ERBB4: variants seen among roughly 807,000 people sequenced by gnomAD.
ERBB4 encodes receptor tyrosine-protein kinase erbB-4.
A neutral mutation model predicts 158.0 loss-of-function variants in ERBB4; 42 were observed. The observed-to-expected ratio is 0.27, with a 90% CI of 0.21 to 0.34. The LOEUF (loss-of-function observed/expected upper bound fraction) is 0.34, where lower values mean the gene tolerates loss of function less well. ERBB4 is among the 10% of genes least tolerant of loss of function. The probability of loss-of-function intolerance (pLI) is 1.00; values close to 1 mark genes in which losing one functional copy is unlikely to be tolerated. For synonymous variants in ERBB4, 583 were observed against 558.7 expected (o/e 1.04, Z -0.61); for missense variants, 1,333 against 1,624.1 (o/e 0.82, Z 3.08).
chr2:212,369,240 C>A (rs2106379448), intron 1 of ERBB4, among the ~76,000 whole-genome samples: 1 of 152,270 alleles, frequency 6.6e-6, no homozygotes, highest in South Asian at 2.1e-4. Context: ...GCTAACATTT[C>A]TGTATGACAA....
rs749944153 is a variant in ERBB4 at position 211,702,028 on chromosome 2, T to G, written c.1428A>C (p.Thr476=). The change falls in exon 12 of 28, where the codon ACA becomes ACC. Residue 476 remains threonine (T), a synonymous_variant. Transcript: ENST00000342788. ...LCYYHTINWT[T]LFSTINQRIV... ...TTCTCTGGTTGATTGTGCTGAAGAG[T>G]GTTGTCCAGTTAATGGTATGATAAT... The G allele has an allele frequency of 5.0e-6, 8 of 1,613,960 alleles. No individual in the cohort carries two copies. The highest frequency in any genetic ancestry group is 1.7e-4 in the Middle Eastern group (1 of 6,056).
At chr2:212,215,232 T>C (rs930863118) in intron 1 of ERBB4, among the ~76,000 whole-genome samples, 2 of 151,556 alleles carry the variant, frequency 1.3e-5, no homozygotes, top group Non-Finnish European at 3.0e-5. Flanking sequence ...CCATATGTAG[T>C]AGTTGAAATA....
intron 12 of ERBB4, among the ~76,000 whole-genome samples, chr2:211,687,097 C>G (rs2072588006): frequency 6.6e-6 from 1 of 150,644 alleles, no homozygotes; most frequent in African/African-American, 2.4e-5. Flanking sequence ...AGATCGAGAC[C>G]ATCCTGGGCT....
Position 211,907,865 on chromosome 2 carries a change from T to C in ERBB4, c.421+39565A>G, listed in dbSNP as rs138639820. The stretch of plus-strand genomic sequence containing the variant: ...ACTGATAGGTATTTAAGTTTGGGAG[T>C]TTAAGCTAAAAATCATTTTTGGAAG... On this transcript the variant is annotated intron_variant, in intron 3 of 27. Coordinates refer to ENST00000342788, the MANE Select transcript of ERBB4 (RefSeq NM_005235.3). Among the ~76,000 whole-genome samples, 2 of 151,620 alleles carry C rather than the reference T, an allele frequency of 1.3e-5. 1 individual carries two copies. The highest frequency in any genetic ancestry group is 3.9e-4 in the East Asian group (2 of 5,108).
intron 25 of ERBB4, among the ~76,000 whole-genome samples, chr2:211,402,051 T>C (rs1307233961): frequency 6.6e-6 from 1 of 151,984 alleles, no homozygotes; most frequent in African/African-American, 2.4e-5. Flanking sequence ...CATGGTCTTA[T>C]GAACATATTC....
chr2:212,171,282 C>A (rs2081509241), intron 1 of ERBB4, among the ~76,000 whole-genome samples: 1 of 151,812 alleles, frequency 6.6e-6, no homozygotes, highest in Admixed American at 6.6e-5. Context: ...GAACACTTAT[C>A]CAATGCCCAT....
chr2:212,488,791 C>T (rs13417149), intron 1 of ERBB4, among the ~76,000 whole-genome samples: 7,582 of 151,456 alleles, frequency 0.05, 653 homozygotes, highest in African/African-American at 0.17. Flanking sequence ...TCATGAACAG[C>T]TGTTCACTAC....
At chr2:211,770,904 G>C (rs1010743588) in intron 4 of ERBB4, among the ~76,000 whole-genome samples, 3 of 152,076 alleles carry the variant, frequency 2.0e-5, no homozygotes, top group Non-Finnish European at 4.4e-5. Flanking sequence ...TAGAAGTTTC[G>C]CAAAACAACA....
chr2:212,271,464 A>C (rs1329652809), intron 1 of ERBB4, among the ~76,000 whole-genome samples: 1 of 151,808 alleles, frequency 6.6e-6, no homozygotes, highest in Non-Finnish European at 1.5e-5. Flanking sequence ...GTTATCAGAA[A>C]GGTAAATTTC....
intron 16 of ERBB4, among the ~76,000 whole-genome samples, chr2:211,654,720 TC>T (rs1044514018): frequency 1.3e-5 from 2 of 152,324 alleles, no homozygotes; most frequent in Admixed American, 6.5e-5. Flanking sequence ...CCATTATAAT[TC>T]CCATTTTACA....
At chr2:211,628,164 C>CT (rs11313575) in intron 17 of ERBB4, among the ~76,000 whole-genome samples, 4 of 150,100 alleles carry the variant, frequency 2.7e-5, no homozygotes, top group Admixed American at 6.6e-5. Flanking sequence ...CTGAGATATT[C>CT]TTTTTTTTTT....
At chr2:212,292,453 T>C (rs768906434) in intron 1 of ERBB4, among the ~76,000 whole-genome samples, 2 of 152,124 alleles carry the variant, frequency 1.3e-5, no homozygotes, top group South Asian at 2.1e-4. Context: ...AGAATTAATA[T>C]TGCAGTTAAT....
In ERBB4 at chr2:212,040,114, A is replaced by G. The variant is rs2077103167; in HGVS notation, c.234+84638T>C. Among the ~76,000 whole-genome samples, 6 of 152,034 alleles carry G rather than the reference A, an allele frequency of 3.9e-5. No homozygotes were observed. The South Asian group carries it at 1.2e-3, about 31-fold the overall frequency. Reference sequence around the variant, plus strand: ...CACCTTCAAAGGGCATGCCAGTTATATAAATATTTTAACTGAGAATTCAAT... The same window carrying G: ...CACCTTCAAAGGGCATGCCAGTTATGTAAATATTTTAACTGAGAATTCAAT... On this transcript the variant is annotated intron_variant, in intron 2 of 27. Transcript: ENST00000342788.
At chr2:212,285,892 A>C (rs2085942875) in intron 1 of ERBB4, among the ~76,000 whole-genome samples, 2 of 152,150 alleles carry the variant, frequency 1.3e-5, no homozygotes, top group Admixed American at 1.3e-4. Flanking sequence ...AATTTCTTGG[A>C]TGATAGGCCC....
At chr2:212,290,304 G>A (rs1371613512) in intron 1 of ERBB4, among the ~76,000 whole-genome samples, 3 of 152,052 alleles carry the variant, frequency 2.0e-5, no homozygotes, top group African/African-American at 4.8e-5. Context: ...TCGTTCCAAC[G>A]ACTTCTACGT....
chr2:212,263,361 T>C (rs1020521447), intron 1 of ERBB4, among the ~76,000 whole-genome samples: 7 of 152,162 alleles, frequency 4.6e-5, no homozygotes, highest in African/African-American at 1.4e-4. Context: ...ACTTTCTATA[T>C]AGAAACATTA....
intron 25 of ERBB4, among the ~76,000 whole-genome samples, chr2:211,401,306 A>T (rs1416333894): frequency 6.6e-6 from 1 of 152,108 alleles, no homozygotes; most frequent in Middle Eastern, 3.2e-3. Context: ...TCTTTAGATG[A>T]TGAGGGTGAG....
intron 1 of ERBB4, among the ~76,000 whole-genome samples, chr2:212,246,408 T>C (rs1462126054): frequency 6.6e-6 from 1 of 152,248 alleles, no homozygotes; most frequent in Non-Finnish European, 1.5e-5. Flanking sequence ...GCATGTTATC[T>C]ACATTTTAAT....
chr2:211,896,635 T>C (rs1187131440), intron 3 of ERBB4, among the ~76,000 whole-genome samples: 2 of 152,150 alleles, frequency 1.3e-5, no homozygotes. Flanking sequence ...GTTGGTATCA[T>C]AACAATATGC....
Sources: allele counts gnomAD v4.1 joint callset (sites outside exome capture counted in the v4.1 genomes callset), GRCh38; gene constraint gnomAD v4.1.1; transcripts MANE v1.5; gene names NCBI Gene and HGNC (gene_info 2026-07-23, HGNC 2026-07-21).